ITPR1: variants seen among roughly 807,000 people sequenced by gnomAD.
ITPR1 encodes the protein inositol 1,4,5-trisphosphate-gated calcium channel ITPR1.
Under a neutral mutation model 318.4 loss-of-function variants are expected in ITPR1, and 96 were observed. The ratio of observed to expected loss-of-function variants is 0.30; its 90% CI spans 0.26 to 0.36. ITPR1 has a LOEUF of 0.36. ITPR1 is among the 10% of genes least tolerant of loss of function. ITPR1 has a pLI of 1.00. For synonymous variants in ITPR1, 1,312 were observed against 1,289.9 expected, an observed-to-expected ratio of 1.02 and a Z score of -0.37; for missense variants, 2,440 against 3,460.2, an observed-to-expected ratio of 0.71 and a Z score of 7.40.
intron 44 of ITPR1, among the ~76,000 whole-genome samples, chr3:4,748,868 A>C (rs2044297371): frequency 6.6e-6 from 1 of 152,204 alleles, no homozygotes; most frequent in African/African-American, 2.4e-5. Context: ...TTACCTGGCA[A>C]CATTGCTGCA....
chr3:4,640,347 C>A (rs1184689861), intron 6 of ITPR1, among the ~76,000 whole-genome samples: 1 of 152,126 alleles, frequency 6.6e-6, no homozygotes, highest in Non-Finnish European at 1.5e-5. Flanking sequence ...TAAATGGGTT[C>A]TTTACATTAG....
At chr3:4,766,916 G>C (rs1472155532) in intron 45 of ITPR1, among the ~76,000 whole-genome samples, 1 of 152,222 alleles carries the variant, frequency 6.6e-6, no homozygotes, top group African/African-American at 2.4e-5. Context: ...GTTTAATAAA[G>C]AACATTCCTC....
At chr3:4,694,147 A>G (rs895599665) in intron 33 of ITPR1, among the ~76,000 whole-genome samples, 1 of 151,928 alleles carries the variant, frequency 6.6e-6, no homozygotes, top group Non-Finnish European at 1.5e-5. Flanking sequence ...AATAATGGCC[A>G]TTATAAAAAA....
At chr3:4,685,901 G>T (rs2094386021) in intron 30 of ITPR1, among the ~76,000 whole-genome samples, 1 of 152,180 alleles carries the variant, frequency 6.6e-6, no homozygotes, top group South Asian at 2.1e-4. Flanking sequence ...ACTGAGGCTT[G>T]GGGAGGTTTA....
chr3:4,675,459 T>C (rs1032165405), intron 23 of ITPR1, among the ~76,000 whole-genome samples: 14 of 152,274 alleles, frequency 9.2e-5, no homozygotes, highest in Admixed American at 7.2e-4. Flanking sequence ...TCAACAGTTA[T>C]TCACGTTTTG....
intron 17 of ITPR1, 63 bp from the exon 18 acceptor site, chr3:4,667,314 T>G: frequency 1.5e-6 from 2 of 1,291,132 alleles, no homozygotes; most frequent in South Asian, 1.4e-5. Flanking sequence ...CTTTCTTTAG[T>G]CTACGCTTAA....
chr3:4,648,810 C>A (rs547168457), intron 10 of ITPR1, among the ~76,000 whole-genome samples: 42 of 152,062 alleles, frequency 2.8e-4, no homozygotes, highest in African/African-American at 1.0e-3. Context: ...ACCCTGTCTC[C>A]GAAAAGAAAA....
intron 40 of ITPR1, among the ~76,000 whole-genome samples, chr3:4,723,398 G>A (rs992145482): frequency 3.3e-5 from 5 of 152,120 alleles, no homozygotes; most frequent in Admixed American, 2.6e-4. Context: ...AGCATCCTCT[G>A]TTTTCTCAAA....
rs1209810063 is a variant in ITPR1 at position 4,533,841 on chromosome 3, C to G, written c.163+12747C>G. The stretch of plus-strand genomic sequence containing the variant: ...CTCAGTTACTGACGGGTCGTTTGCT[C>G]GAGATGGTAATCCTGCCTTCTGTAT... On this transcript the variant is annotated intron_variant, in intron 4 of 61. Coordinates refer to ENST00000649015, the MANE Select transcript of ITPR1 (RefSeq NM_001378452.1). Among the ~76,000 whole-genome samples the G allele has an allele frequency of 3.9e-5, 6 of 152,136 alleles. No homozygotes were observed. The East Asian group carries it at 1.2e-3, about 29-fold the overall frequency.
chr3:4,722,117 A>G (rs892720953), intron 40 of ITPR1, among the ~76,000 whole-genome samples: 1 of 152,186 alleles, frequency 6.6e-6, no homozygotes, highest in Non-Finnish European at 1.5e-5. Context: ...AGATTCAGTG[A>G]CTTGAGGTGC....
At chr3:4,533,533 G>A (rs1348336993) in intron 4 of ITPR1, among the ~76,000 whole-genome samples, 2 of 152,260 alleles carry the variant, frequency 1.3e-5, no homozygotes, top group African/African-American at 4.8e-5. Flanking sequence ...TCAGCACTCA[G>A]TGAAGAGTGG....
chr3:4,660,996 A>G lies in ITPR1; in HGVS notation c.1160A>G (p.Tyr387Cys). ...CCTTTTTTCCCTGTTAGGAACTCTT[A>G]TGTTCGGCTCAGACACCTATGTACT... ...GGDSLVPRNS[Y>C]VRLRHLCTNT... The change falls in exon 14 of 62, where the codon TAT (tyrosine) becomes TGT (cysteine). Residue 387 changes from tyrosine (Y) to cysteine (C), a missense_variant. Around this residue, in one of 23 missense-constraint regions of ITPR1, gnomAD observed 101 missense variants for 119.6 expected, o/e 0.84. Transcript: ENST00000649015. 1 of 1,580,112 alleles carries G rather than the reference A, an allele frequency of 6.3e-7. No individual in the cohort carries two copies. Among genetic ancestry groups the G allele is most frequent in the Non-Finnish European group, 8.7e-7 (1 of 1,153,634 alleles).
intron 4 of ITPR1, among the ~76,000 whole-genome samples, chr3:4,603,391 A>G (rs4685776): frequency 0.95 from 144,371 of 152,116 alleles, 68,569 homozygotes; most frequent in Middle Eastern, 1. Context: ...TCCCTGGTCC[A>G]TATGTACCAC....
Position 4,811,450 on chromosome 3 carries a change from A to C in ITPR1, c.7458A>C (p.Thr2486=), listed in dbSNP as rs781764663. 1.9e-6 allele frequency: 3 copies of C among 1,613,184 alleles called. No individual in the cohort carries two copies. In the Admixed American group the frequency reaches 5.0e-5, roughly 27 times the overall value. ...ILEVDRLPNE[T]AVPETGESLA... ...AAGTAGATAGGCTGCCCAATGAAAC[A>C]GCTGTTCCAGGTGGGTTTGGGATCT... is the stretch of plus-strand genomic sequence containing the variant. The change falls in exon 56 of 62, where the codon ACA becomes ACC. Residue 2486 remains threonine, a synonymous_variant. Transcript: ENST00000649015.
intron 59 of ITPR1, 32 bp downstream of exon 59, chr3:4,815,250 G>C: frequency 1.2e-6 from 2 of 1,609,780 alleles, no homozygotes; most frequent in African/African-American, 1.3e-5. Flanking sequence ...CAGCAAGGGC[G>C]TGAAGGCCCA....
intron 35 of ITPR1, 148 bp from the exon 36 acceptor site, chr3:4,702,682 C>A: frequency 2.4e-6 from 2 of 824,512 alleles, no homozygotes; most frequent in Non-Finnish European, 1.9e-6. Flanking sequence ...TCCCCTCTCA[C>A]CCTTGCCTCA....
At chr3:4,536,431 A>G (rs193094425) in intron 4 of ITPR1, among the ~76,000 whole-genome samples, 1 of 152,354 alleles carries the variant, frequency 6.6e-6, no homozygotes, top group Admixed American at 6.5e-5. Flanking sequence ...AATGGAAAAT[A>G]TGTCCTTGGC....
At chr3:4,504,305 C>T (rs918566286) in intron 2 of ITPR1, among the ~76,000 whole-genome samples, 9 of 151,940 alleles carry the variant, frequency 5.9e-5, no homozygotes, top group South Asian at 2.1e-4. Context: ...TGTGTTGCGG[C>T]GGGGGGAATG....
At chr3:4,844,123 ATT>A (rs34975561) in intron 61 of ITPR1, among the ~76,000 whole-genome samples, 4 of 140,498 alleles carry the variant, frequency 2.8e-5, no homozygotes, top group African/African-American at 8.0e-5. Context: ...GCAGACCAAG[ATT>A]TTTTTTTTTT....
Sources: allele counts gnomAD v4.1 joint callset (sites outside exome capture counted in the v4.1 genomes callset), GRCh38; gene constraint gnomAD v4.1.1; regional missense constraint gnomAD v4.1.1; transcripts MANE v1.5; gene names NCBI Gene and HGNC (gene_info 2026-07-23, HGNC 2026-07-21).